The following PDXDC1 variants were observed in gnomAD, a reference collection of about 807,000 sequenced individuals.
PDXDC1 encodes pyridoxal dependent decarboxylase domain containing 1.
Under a neutral mutation model 100.1 loss-of-function variants are expected in PDXDC1, and 42 were observed. That is an observed-to-expected ratio of 0.42 (90% CI 0.33 to 0.54). The LOEUF is 0.54. Among genes scored for constraint, PDXDC1 ranks in the 20% least tolerant of loss-of-function variants. The probability of loss-of-function intolerance (pLI) is 0.10; values close to 1 mark genes in which losing one functional copy is unlikely to be tolerated. For synonymous variants in PDXDC1, 260 were observed against 371.7 expected (o/e 0.70, Z 3.46); for missense variants, 636 against 979.2 (o/e 0.65, Z 4.68).
downstream of PDXDC1, chr16:15,041,253 T>C (rs1231787110): frequency 3.5e-5 from 24 of 695,610 alleles, no homozygotes; most frequent in Non-Finnish European, 4.3e-5. Context: ...ATGAAAGGGA[T>C]TGTGGCCCTG....
At chr16:15,135,487 G>C (rs2048305431) in intron 16 of PDXDC1, 2 of 1,190,972 alleles carry the variant, frequency 1.7e-6, no homozygotes, top group Non-Finnish European at 2.4e-6. Flanking sequence ...TTTTAAAGCA[G>C]AGCCCGGCCC....
intron 16 of PDXDC1, among the ~76,000 whole-genome samples, chr16:15,050,649 T>C (rs892433781): frequency 3.9e-5 from 6 of 152,116 alleles, no homozygotes; most frequent in African/African-American, 1.2e-4. Context: ...GGAGGATCAC[T>C]TGCAGCCAGG....
In PDXDC1 at chr16:15,032,874, A is replaced by G; in HGVS notation, c.1585A>G (p.Asn529Asp). The change falls in exon 18 of 23, where the codon AAT becomes GAT. Residue 529 changes from asparagine to aspartate, a missense_variant. This residue lies in a region of PDXDC1 where 452 missense variants were observed against 402.9 expected (regional missense o/e 1.12). Transcript: ENST00000396410. ...ATGTTGTTTTAGGTATGAACATGCT[A>G]ATGATGATAAGAGCAGTTTGAAATC... ...GIGVVRYEHANDDKSSLKSDP... is the reference protein window; with the variant it reads ...GIGVVRYEHADDDKSSLKSDP... 1 of 1,587,308 alleles carries G rather than the reference A, an allele frequency of 6.3e-7. No homozygotes were observed. The highest frequency in any genetic ancestry group is 1.1e-5 in the South Asian group (1 of 90,504).
At chr16:15,033,219 C>G in intron 18 of PDXDC1, 59 bp from the exon 19 acceptor site, 1 of 1,594,386 alleles carries the variant, frequency 6.3e-7, no homozygotes, top group South Asian at 1.1e-5. Flanking sequence ...GAGAGTAGGT[C>G]CACGTCTCAC....
At chr16:15,085,462 CT>C (rs1567218896) in intron 16 of PDXDC1, among the ~76,000 whole-genome samples, 1 of 152,052 alleles carries the variant, frequency 6.6e-6, no homozygotes, top group Non-Finnish European at 1.5e-5. Flanking sequence ...TACTTTAAGC[CT>C]TTTTTAAGAA....
At chr16:15,023,712 G>C (rs538104700) in intron 13 of PDXDC1, among the ~76,000 whole-genome samples, 2 of 152,404 alleles carry the variant, frequency 1.3e-5, no homozygotes, top group East Asian at 3.9e-4. Context: ...TCTGCCTTCT[G>C]AGTGGGAGTC....
downstream of PDXDC1, among the ~76,000 whole-genome samples, chr16:15,043,228 G>A (rs939037341): frequency 1.3e-5 from 2 of 151,778 alleles, no homozygotes; most frequent in Non-Finnish European, 2.9e-5. Context: ...TAGAGACAGA[G>A]TTTCACCATG....
intron 16 of PDXDC1, among the ~76,000 whole-genome samples, chr16:15,071,682 C>T (rs1001449505): frequency 7.9e-5 from 12 of 152,084 alleles, no homozygotes; most frequent in East Asian, 1.9e-4. Flanking sequence ...GCAGGAGAAT[C>T]GCTTGAACCC....
intron 11 of PDXDC1, among the ~76,000 whole-genome samples, chr16:15,018,551 C>A (rs1432454820): frequency 1.3e-5 from 2 of 152,264 alleles, no homozygotes; most frequent in African/African-American, 4.8e-5. Context: ...GAGCTACCTT[C>A]GAAGTGGGGA....
chr16:15,042,899 ATTTTTT>A (rs1193801850), downstream of PDXDC1, among the ~76,000 whole-genome samples: 2 of 121,510 alleles, frequency 1.6e-5, no homozygotes, highest in East Asian at 4.6e-4. Flanking sequence ...TGCCCAGCTA[ATTTTTT>A]TTTTTTTTTT....
In PDXDC1 at chr16:14,985,859, G is replaced by A. The variant is rs563984319; in HGVS notation, c.21+10639G>A. ...CATTTCTAATCTCAGCACTTTGGGA[G>A]GCCAAGGCAGGAGGATTGCTCGTGA... On this transcript the variant is annotated intron_variant, in intron 1 of 22. Coordinates refer to ENST00000396410, the MANE Select transcript of PDXDC1 (RefSeq NM_015027.4). Among the ~76,000 whole-genome samples the A allele has an allele frequency of 3.9e-5, 6 of 152,408 alleles. No individual in the cohort carries two copies. In the East Asian group the frequency reaches 5.8e-4, roughly 15 times the overall value.
intron 12 of PDXDC1, among the ~76,000 whole-genome samples, chr16:15,020,975 A>AAACACAC (rs370903249): frequency 0.012 from 1,768 of 143,488 alleles, no homozygotes; most frequent in African/African-American, 0.045. Flanking sequence ...GCACCATCTA[A>AAACACAC]ACACACACAC....
At chr16:15,044,469 A>G (rs746054177) in intron 16 of PDXDC1, 66 of 1,051,812 alleles carry the variant, frequency 6.3e-5, no homozygotes, top group Non-Finnish European at 8.5e-5. Flanking sequence ...CGCTGGTCTC[A>G]CTTTGAACTT....
chr16:15,050,814 TTC>T (rs1220665987), intron 16 of PDXDC1, among the ~76,000 whole-genome samples: 2 of 152,214 alleles, frequency 1.3e-5, no homozygotes, highest in Admixed American at 1.3e-4. Context: ...TGGTGTTTTC[TTC>T]TGTTTATAAA....
chr16:14,985,501 G>T (rs1263871687), intron 1 of PDXDC1, among the ~76,000 whole-genome samples: 1 of 152,144 alleles, frequency 6.6e-6, no homozygotes, highest in Admixed American at 6.5e-5. Flanking sequence ...TGTTAGCCAG[G>T]ATGGTCTCCA....
chr16:15,044,274 A>C (rs2043952696), intron 16 of PDXDC1: 10 of 1,198,934 alleles, frequency 8.3e-6, no homozygotes, highest in East Asian at 4.7e-5. Flanking sequence ...TTTTAACCCA[A>C]GCAAATATGG....
In PDXDC1 at chr16:15,006,565, C is replaced by A. The variant is rs145985821; in HGVS notation, c.561C>A (p.Gly187=). 4.8e-5 allele frequency: 76 copies of A among 1,575,078 alleles called. No individual in the cohort carries two copies. In the African/African-American group the frequency reaches 9.3e-4, roughly 19 times the overall value. ...YLSAAARPGL[G]QYLCNQLGLP... Reference sequence around the variant, plus strand: ...GTGCTGCTGCTAGACCTGGCCTGGGCCAATACCTTTGTAATCAGGTAATGT... The same window carrying A: ...GTGCTGCTGCTAGACCTGGCCTGGGACAATACCTTTGTAATCAGGTAATGT... The change falls in exon 6 of 23, where the codon GGC becomes GGA. Residue 187 remains glycine (G), a synonymous_variant. Transcript: ENST00000396410.
intron 16 of PDXDC1, among the ~76,000 whole-genome samples, chr16:15,081,830 A>C (rs888578746): frequency 2.6e-5 from 4 of 152,132 alleles, no homozygotes; most frequent in African/African-American, 9.7e-5. Context: ...TATTGAGTTC[A>C]TTTTTAAATA....
At chr16:15,146,391 T>A in the PDXDC1 span, among the ~76,000 whole-genome samples, 4 of 152,092 alleles carry the variant, frequency 2.6e-5, no homozygotes, top group South Asian at 2.1e-4. Context: ...TGAGCGGAAC[T>A]CAGGCAGTGC....
Sources: allele counts gnomAD v4.1 joint callset (sites outside exome capture counted in the v4.1 genomes callset), GRCh38; gene constraint gnomAD v4.1.1; regional missense constraint gnomAD v4.1.1; transcripts MANE v1.5; gene names NCBI Gene and HGNC (gene_info 2026-07-23, HGNC 2026-07-21).